PDE8A: variants seen among roughly 807,000 people sequenced by gnomAD.
PDE8A encodes phosphodiesterase 8A.
A neutral mutation model predicts 105.0 loss-of-function variants in PDE8A; 59 were observed. The ratio of observed to expected loss-of-function variants is 0.56; its 90% CI spans 0.46 to 0.70. PDE8A has a LOEUF of 0.70. Among genes scored for constraint, PDE8A ranks in the 30% least tolerant of loss-of-function variants. The pLI, the probability that PDE8A is intolerant of heterozygous loss-of-function variation, is 0.00. For missense variants in PDE8A, 1,014 were observed against 1,045.9 expected (o/e 0.97, Z 0.42); for synonymous variants, 355 against 371.9 (o/e 0.95, Z 0.52).
rs373678620 is a variant in PDE8A at position 85,097,984 on chromosome 15, G to A, written c.889G>A (p.Gly297Arg). 7.5e-6 allele frequency: 12 copies of A among 1,603,324 alleles called. No homozygotes were observed. Among genetic ancestry groups the A allele is most frequent in the Admixed American group, 1.7e-5 (1 of 59,934 alleles). Residue 297 changes from glycine to arginine, a missense_variant, in exon 9 of 22, where the codon GGA becomes AGA. By Grantham distance (125) the Gly-to-Arg change is moderately radical. Transcript: ENST00000394553. ...QGIYYAKKKNGDNIQQNVKII... is the reference protein window; with the variant it reads ...QGIYYAKKKNRDNIQQNVKII... ...AATTTACTATGCCAAAAAGAAAAAC[G>A]GAGATAATATACAACAAAATGTGAA...
Position 85,083,319 on chromosome 15 carries a change from T to A in PDE8A, c.547-237T>A, listed in dbSNP as rs955544347. On this transcript the variant is annotated intron_variant, in intron 5 of 21. Coordinates refer to ENST00000394553, the MANE Select transcript of PDE8A (RefSeq NM_002605.3). ...TGCTGAAAGAAAAGCCTTTTTTTTTTTTAAAAAAATGAAAGGCTACTAAAT... is the reference window on the plus strand; with the variant it reads ...TGCTGAAAGAAAAGCCTTTTTTTTTATTAAAAAAATGAAAGGCTACTAAAT... Among the ~76,000 whole-genome samples the A allele has an allele frequency of 2.4e-4, 37 of 151,946 alleles. 1 individual carries two copies. Among genetic ancestry groups the A allele is most frequent in the African/African-American group, 7.0e-4 (29 of 41,328 alleles).
intron 2 of PDE8A, among the ~76,000 whole-genome samples, chr15:85,065,517 T>G (rs1038868456): frequency 6.6e-6 from 1 of 151,886 alleles, no homozygotes; most frequent in African/African-American, 2.4e-5. Context: ...CAATTGAAAT[T>G]CAGCGAAGTT....
intron 1 of PDE8A, among the ~76,000 whole-genome samples, chr15:85,042,080 T>A (rs922029568): frequency 4.6e-5 from 7 of 151,990 alleles, no homozygotes; most frequent in African/African-American, 1.5e-4. Context: ...AAACCAATTT[T>A]TTTTTTTTAA....
intron 1 of PDE8A, among the ~76,000 whole-genome samples, chr15:85,009,108 A>AGTGTGT (rs769774976): frequency 4.7e-4 from 20 of 42,214 alleles, no homozygotes; most frequent in African/African-American, 1.9e-3. Context: ...AGAGAGAGAG[A>AGTGTGT]GAGTGTGTGT....
chr15:85,125,229 G>T (rs1051789189), intron 19 of PDE8A, among the ~76,000 whole-genome samples: 2 of 152,190 alleles, frequency 1.3e-5, no homozygotes, highest in Admixed American at 1.3e-4. Context: ...TTCCCTCTGA[G>T]CTGGGACCAT....
At chr15:85,002,252 A>G (rs1437690379) in intron 1 of PDE8A, among the ~76,000 whole-genome samples, 2 of 152,180 alleles carry the variant, frequency 1.3e-5, no homozygotes, top group African/African-American at 4.8e-5. Context: ...TGACTTGGCT[A>G]CGAATTGGAA....
chr15:85,089,384 A>G lies in PDE8A; in HGVS notation c.682A>G (p.Ile228Val), dbSNP rs536339532. The G allele has an allele frequency of 1.7e-4, 275 of 1,596,378 alleles. 1 individual carries two copies. The South Asian group carries it at 2.6e-3, about 15-fold the overall frequency. Residue 228 changes from isoleucine (I) to valine (V), a missense_variant, in exon 7 of 22, where the codon ATT becomes GTT. Transcript: ENST00000394553. The part of the protein sequence containing the change: ...FTALENSEDA[I>V]EITSEDRFIQ... ...TGCATTAGAAAACAGTGAAGATGCA[A>G]TTGAAATTACAAGCGAAGACCGTTT...
Position 85,041,001 on chromosome 15 carries a change from C to T in PDE8A, c.187-23369C>T, listed in dbSNP as rs568925462. On this transcript the variant is annotated intron_variant, in intron 1 of 21. Coordinates refer to ENST00000394553, the MANE Select transcript of PDE8A (RefSeq NM_002605.3). ...ACTGAGAATGCTCGTAACCCCCTGCCACCACACATAACCCTAGACAGACAT... is the reference window on the plus strand; with the variant it reads ...ACTGAGAATGCTCGTAACCCCCTGCTACCACACATAACCCTAGACAGACAT... 2.0e-5 allele frequency among the ~76,000 whole-genome samples: 3 copies of T among 152,160 alleles called. No individual in the cohort carries two copies. The South Asian group carries it at 6.2e-4, about 32-fold the overall frequency.
In PDE8A at chr15:85,125,750, G is replaced by A. The variant is rs187189181; in HGVS notation, c.2086-457G>A. 4.5e-4 allele frequency among the ~76,000 whole-genome samples: 68 copies of A among 152,298 alleles called. 1 individual carries two copies. The highest frequency in any genetic ancestry group is 4.1e-3 in the Admixed American group (63 of 15,300). Reference sequence around the variant, plus strand: ...CAGGACTGGGTTGAGAAGTACGGAGGCTGTTGGGCTGCAAGAGCCCATTTG... The same window carrying A: ...CAGGACTGGGTTGAGAAGTACGGAGACTGTTGGGCTGCAAGAGCCCATTTG... On this transcript the variant is annotated intron_variant, in intron 19 of 21. Transcript: ENST00000394553.
intron 12 of PDE8A, among the ~76,000 whole-genome samples, chr15:85,111,046 CA>C (rs2082013867): frequency 6.6e-6 from 1 of 152,168 alleles, no homozygotes; most frequent in Non-Finnish European, 1.5e-5. Flanking sequence ...AAGTGTCATT[CA>C]GGTCTTTTGC....
In PDE8A at chr15:84,982,261, C is replaced by T. The variant is rs1055864307; in HGVS notation, c.99C>T (p.Leu33=). ...APPLSSGGPR[L]PQGQKTAALP... is the part of the protein sequence containing the mutation. ...CGCTGTCGTCCGGCGGGCCGCGCCT[C>T]CCGCAGGGCCAGAAGACGGCCGCCT... The change falls in exon 1 of 22, where the codon CTC becomes CTT. Residue 33 remains leucine (L), a synonymous_variant. Coordinates refer to ENST00000394553, the MANE Select transcript of PDE8A (RefSeq NM_002605.3). 12 of 1,452,942 alleles carry T rather than the reference C, an allele frequency of 8.3e-6. No individual in the cohort carries two copies. Among genetic ancestry groups the T allele is most frequent in the Non-Finnish European group, 1.1e-5 (12 of 1,110,874 alleles). The allele number at this position is 1,452,942 out of a possible 1,614,324, so 90.0% of individuals were successfully genotyped here.
intron 2 of PDE8A, among the ~76,000 whole-genome samples, chr15:85,066,568 C>T (rs1053972191): frequency 4.2e-5 from 6 of 144,414 alleles, no homozygotes; most frequent in Non-Finnish European, 7.6e-5. Flanking sequence ...TGTTGCCCAC[C>T]CACCATCCCC....
At position 85,083,663 on chromosome 15, in the gene PDE8A, G is replaced by A. The variant is rs2081503215; in HGVS notation, c.635+19G>A. On this transcript the variant is annotated intron_variant, in intron 6 of 21. Transcript: ENST00000394553. ...AACTCAGGTAATTCTACCACTTCTG[G>A]AAAGCCCTCCAGGCCATACAGGGCA... is the stretch of plus-strand genomic sequence containing the variant. 6.5e-7 allele frequency: 1 copy of A among 1,545,384 alleles called. No individual in the cohort carries two copies. Among genetic ancestry groups the A allele is most frequent in the African/African-American group, 1.4e-5 (1 of 73,608 alleles).
At chr15:85,117,549 T>C (rs768745443) in intron 16 of PDE8A, 92 bp from the exon 17 acceptor site, 11 of 1,073,150 alleles carry the variant, frequency 1.0e-5, no homozygotes, top group Non-Finnish European at 1.6e-5. Context: ...CCCTGCACTC[T>C]CTGAAATTTG....
intron 5 of PDE8A, among the ~76,000 whole-genome samples, chr15:85,081,545 C>A (rs752710892): frequency 1.3e-5 from 2 of 152,076 alleles, no homozygotes; most frequent in Non-Finnish European, 2.9e-5. Context: ...GATTTGTAGT[C>A]CCAGCCCCTT....
intron 6 of PDE8A, among the ~76,000 whole-genome samples, chr15:85,087,855 C>A (rs2141520469): frequency 6.6e-6 from 1 of 152,092 alleles, no homozygotes; most frequent in Non-Finnish European, 1.5e-5. Context: ...AAGTTAATGC[C>A]TAGAACATTT....
intron 1 of PDE8A, among the ~76,000 whole-genome samples, chr15:85,047,233 G>T (rs1416505197): frequency 6.6e-6 from 1 of 152,188 alleles, no homozygotes; most frequent in East Asian, 1.9e-4. Context: ...CCTTAGGTCA[G>T]TTTGATTATG....
chr15:85,096,125 T>A (rs1596514531), intron 8 of PDE8A, among the ~76,000 whole-genome samples: 1 of 152,116 alleles, frequency 6.6e-6, no homozygotes, highest in Non-Finnish European at 1.5e-5. Flanking sequence ...TCCACTCGCC[T>A]CAGCCTCCCA....
At position 85,113,371 on chromosome 15, in the gene PDE8A, CCA is replaced by C. The variant is rs767292452; in HGVS notation, c.1115-3_1115-2del. ...TGCCCTGATTTGTGCATCCCTTTCTCCACAGTTTCCAGCCAGAGACGACACTC... is the reference window on the plus strand; with the variant it reads ...TGCCCTGATTTGTGCATCCCTTTCTCCAGTTTCCAGCCAGAGACGACACTC... On this transcript the variant is annotated splice_region_variant and splice_polypyrimidine_tract_variant and intron_variant, in intron 12 of 21. Coordinates refer to ENST00000394553, the MANE Select transcript of PDE8A (RefSeq NM_002605.3). The C allele has an allele frequency of 6.2e-7, 1 of 1,613,732 alleles. No individual in the cohort carries two copies. The highest frequency in any genetic ancestry group is 1.3e-5 in the African/African-American group (1 of 74,986).
Sources: gnomAD v4.1 joint callset for allele counts (sites outside exome capture counted in the v4.1 genomes callset) on GRCh38, gnomAD v4.1.1 for gene constraint, MANE v1.5 for transcripts, NCBI Gene and HGNC (gene_info 2026-07-23, HGNC 2026-07-21) for gene names.